SYT9: variants seen among roughly 807,000 people sequenced by gnomAD.
The protein encoded by SYT9 is synaptotagmin 9.
A neutral mutation model predicts 48.4 loss-of-function variants in SYT9; 22 were observed. The ratio of observed to expected loss-of-function variants is 0.45; its 90% confidence interval spans 0.32 to 0.65. SYT9 has a LOEUF of 0.65. Among genes scored for constraint, SYT9 ranks in the 30% least tolerant of loss-of-function variants. The pLI, the probability that SYT9 is intolerant of heterozygous loss-of-function variation, is 0.03. For missense variants in SYT9, 577 were observed against 622.0 expected (o/e 0.93, Z 0.77); for synonymous variants, 265 against 245.0 (o/e 1.08, Z -0.76).
intron 6 of SYT9, among the ~76,000 whole-genome samples, chr11:7,448,328 G>T (rs1847975302): frequency 6.6e-6 from 1 of 152,248 alleles, no homozygotes; most frequent in Admixed American, 6.5e-5. Context: ...CAGGTGCAGG[G>T]ATCTGGCTTG....
chr11:7,392,394 T>C (rs1381213535), intron 3 of SYT9, among the ~76,000 whole-genome samples: 1 of 152,186 alleles, frequency 6.6e-6, no homozygotes, highest in African/African-American at 2.4e-5. Context: ...TTTGTCAGTA[T>C]TGTAGATCAG....
intron 3 of SYT9, among the ~76,000 whole-genome samples, chr11:7,329,991 C>A (rs1033994136): frequency 6.6e-6 from 1 of 152,028 alleles, no homozygotes. Flanking sequence ...CTATAAAAAT[C>A]TATCCTTGTT....
chr11:7,247,676 A>G (rs1847811813), upstream of SYT9, among the ~76,000 whole-genome samples: 1 of 129,502 alleles, frequency 7.7e-6, no homozygotes, highest in South Asian at 2.4e-4. Context: ...ATATACGTAT[A>G]TATGTGTGTA....
intron 3 of SYT9, among the ~76,000 whole-genome samples, chr11:7,375,499 C>T (rs182283820): frequency 2.0e-5 from 3 of 152,272 alleles, no homozygotes; most frequent in Middle Eastern, 3.4e-3. Context: ...CTCTAAATTA[C>T]TTTGGGCAGT....
At chr11:7,353,867 G>T (rs967618956) in intron 3 of SYT9, among the ~76,000 whole-genome samples, 1 of 152,018 alleles carries the variant, frequency 6.6e-6, no homozygotes. Context: ...TGTATTATTT[G>T]ACTAGTTTTC....
intron 5 of SYT9, among the ~76,000 whole-genome samples, 182 bp from the exon 6 acceptor site, chr11:7,420,324 G>A (rs1280103458): frequency 1.3e-5 from 2 of 152,170 alleles, no homozygotes; most frequent in Non-Finnish European, 2.9e-5. Flanking sequence ...CAGGGTATAC[G>A]TTAGATCCCA....
chr11:7,376,783 T>C (rs1850463056), intron 3 of SYT9, among the ~76,000 whole-genome samples: 1 of 151,910 alleles, frequency 6.6e-6, no homozygotes, highest in Non-Finnish European at 1.5e-5. Flanking sequence ...ACTCTAAAAA[T>C]GTCCACCTTT....
rs537424133 is a variant in SYT9 at position 7,260,015 on chromosome 11, A to G, written c.145+7684A>G. ...TCTTTATGTTTTCTTTCCCACTCCA[A>G]CCTACCCCACCCTACCCTTGTGCAG... On this transcript the variant is annotated intron_variant, in intron 1 of 6. Coordinates refer to ENST00000318881, the MANE Select transcript of SYT9 (RefSeq NM_175733.4). Among the ~76,000 whole-genome samples, 4 of 152,268 alleles carry G rather than the reference A, an allele frequency of 2.6e-5. No homozygotes were observed. The East Asian group carries it at 7.7e-4, about 29-fold the overall frequency.
chr11:7,441,551 T>C (rs1847829823), intron 6 of SYT9: 1 of 152,170 alleles, frequency 6.6e-6, no homozygotes, highest in Admixed American at 6.5e-5. Context: ...TCCGGGATTG[T>C]AGATTCTGTG....
intron 3 of SYT9, among the ~76,000 whole-genome samples, chr11:7,341,036 C>G (rs1194581585): frequency 6.6e-6 from 1 of 152,186 alleles, no homozygotes; most frequent in African/African-American, 2.4e-5. Flanking sequence ...CCTCTGGGAG[C>G]TCTGTCTCAG....
rs1465621145 is a variant in SYT9, at chr11:7,419,144, ACAC to A, written c.1337+1019_1337+1021del. ...TCCCATCTCCTGTGGGCAAGAAACA[ACAC>A]CAACAGTGTCAGGCCCCAGTAGGGG... On this transcript the variant is annotated intron_variant, in intron 5 of 6. Transcript: ENST00000318881. Among the ~76,000 whole-genome samples the A allele has an allele frequency of 3.9e-5, 6 of 152,322 alleles. No individual in the cohort carries two copies. In the East Asian group the frequency reaches 1.2e-3, roughly 29 times the overall value.
At chr11:7,280,607 G>A (rs1848475917) in intron 1 of SYT9, among the ~76,000 whole-genome samples, 2 of 152,168 alleles carry the variant, frequency 1.3e-5, no homozygotes, top group African/African-American at 4.8e-5. Context: ...TTGGTTTGTG[G>A]TGTTTGCAAG....
chr11:7,274,993 A>G (rs1848361313), intron 1 of SYT9, among the ~76,000 whole-genome samples: 1 of 151,306 alleles, frequency 6.6e-6, no homozygotes, highest in Non-Finnish European at 1.5e-5. Flanking sequence ...GCCACAACCC[A>G]CTGGAGTGAG....
chr11:7,401,486 T>C (rs11041354), intron 3 of SYT9, among the ~76,000 whole-genome samples: 9,387 of 151,840 alleles, frequency 0.062, 411 homozygotes, highest in Non-Finnish European at 0.098. Context: ...AAAAGCTGTG[T>C]AGAACTGATA....
chr11:7,239,702 T>A (rs1444662373), intron 1 of SYT9, among the ~76,000 whole-genome samples: 3 of 151,998 alleles, frequency 2.0e-5, no homozygotes, highest in Non-Finnish European at 4.4e-5. Flanking sequence ...ATTAGGGTAA[T>A]GGAGTAGGGG....
chr11:7,260,909 A>AT (rs1180366694), intron 1 of SYT9, among the ~76,000 whole-genome samples: 1 of 152,134 alleles, frequency 6.6e-6, no homozygotes, highest in Admixed American at 6.6e-5. Context: ...TTGCCTGGTT[A>AT]TTTAGTAATG....
intron 3 of SYT9, among the ~76,000 whole-genome samples, chr11:7,315,694 G>A (rs1849231049): frequency 6.6e-6 from 1 of 152,128 alleles, no homozygotes; most frequent in Non-Finnish European, 1.5e-5. Flanking sequence ...TCCCTGGTGG[G>A]AACGACTCCT....
At chr11:7,276,765 C>A (rs1484000780) in intron 1 of SYT9, among the ~76,000 whole-genome samples, 6 of 152,038 alleles carry the variant, frequency 3.9e-5, no homozygotes, top group African/African-American at 1.4e-4. Flanking sequence ...CATTATCTGC[C>A]AGCCAGGCAC....
At chr11:7,368,613 G>C (rs900862494) in intron 3 of SYT9, among the ~76,000 whole-genome samples, 4 of 152,144 alleles carry the variant, frequency 2.6e-5, no homozygotes, top group African/African-American at 9.7e-5. Flanking sequence ...AGAACATGCA[G>C]TGTTTGGTTT....
Sources: gnomAD v4.1 joint callset for allele counts (sites outside exome capture counted in the v4.1 genomes callset) on GRCh38, gnomAD v4.1.1 for gene constraint, MANE v1.5 for transcripts, NCBI Gene and HGNC (gene_info 2026-07-23, HGNC 2026-07-21) for gene names.